The following ANKRD29 variants were observed in gnomAD, a reference collection of about 807,000 sequenced individuals.
ANKRD29 encodes ankyrin repeat domain 29.
A neutral mutation model predicts 38.0 loss-of-function variants in ANKRD29; 32 were observed. The ratio of observed to expected loss-of-function variants is 0.84; its 90% confidence interval spans 0.64 to 1.13. ANKRD29 has a LOEUF of 1.13. Ranked by LOEUF, ANKRD29 falls within the 50% of genes most tolerant of loss-of-function variation. The pLI is 0.00. For synonymous variants in ANKRD29, 135 were observed against 152.4 expected, an observed-to-expected ratio of 0.89 and a Z score of 0.84; for missense variants, 357 against 377.9, an observed-to-expected ratio of 0.94 and a Z score of 0.46.
intron 6 of ANKRD29, among the ~76,000 whole-genome samples, chr18:23,625,678 TTTTA>T (rs1226972829): frequency 1.3e-5 from 2 of 152,206 alleles, no homozygotes; most frequent in Non-Finnish European, 2.9e-5. Flanking sequence ...GCAGGGATTA[TTTTA>T]TTTAATTATC....
chr18:23,609,935 G>A (rs758821304), intron 9 of ANKRD29, among the ~76,000 whole-genome samples: 2 of 152,174 alleles, frequency 1.3e-5, no homozygotes, highest in African/African-American at 4.8e-5. Context: ...TGGGAATGGG[G>A]AAGTAATACT....
chr18:23,658,237 T>G (rs2060309615), intron 1 of ANKRD29, among the ~76,000 whole-genome samples: 2 of 151,932 alleles, frequency 1.3e-5, no homozygotes, highest in South Asian at 4.2e-4. Flanking sequence ...GAGACCCCTA[T>G]CTCTACAAAA....
chr18:23,619,606 G>T lies in ANKRD29; in HGVS notation c.552C>A (p.Ile184=). The T allele has an allele frequency of 1.3e-6, 2 of 1,595,080 alleles. No homozygotes were observed. The highest frequency in any genetic ancestry group is 1.7e-6 in the Non-Finnish European group (2 of 1,178,210). The change falls in exon 7 of 10, where the codon ATC becomes ATA. Residue 184 remains isoleucine (I), a synonymous_variant. Coordinates refer to ENST00000592179, the MANE Select transcript of ANKRD29 (RefSeq NM_173505.4). The part of the protein sequence containing the change: ...PRQDGTAPLW[I]ASQMGHSEVV... ...CCTCGCTGTGGCCCATCTGGGACGCGATCCACAGGGGCGCTGTCCCGTCCT... is the reference window on the plus strand; with the variant it reads ...CCTCGCTGTGGCCCATCTGGGACGCTATCCACAGGGGCGCTGTCCCGTCCT...
intron 9 of ANKRD29, among the ~76,000 whole-genome samples, chr18:23,604,127 C>G (rs955631103): frequency 7.2e-5 from 11 of 152,118 alleles, no homozygotes; most frequent in Non-Finnish European, 1.5e-4. Context: ...CAGGTGTGAG[C>G]CACCGCACTC....
At chr18:23,614,833 G>A (rs1036056102) in intron 8 of ANKRD29, among the ~76,000 whole-genome samples, 3 of 152,062 alleles carry the variant, frequency 2.0e-5, no homozygotes, top group Non-Finnish European at 2.9e-5. Flanking sequence ...AAAGTGTCTG[G>A]GGTCATTCAA....
At chr18:23,660,541 T>C (rs2060345773) in intron 1 of ANKRD29, among the ~76,000 whole-genome samples, 1 of 152,198 alleles carries the variant, frequency 6.6e-6, no homozygotes, top group South Asian at 2.1e-4. Context: ...GTGCCGTGGC[T>C]CATGCCTCTA....
intron 3 of ANKRD29, among the ~76,000 whole-genome samples, chr18:23,641,518 C>A (rs918181743): frequency 5.9e-5 from 9 of 152,260 alleles, no homozygotes; most frequent in African/African-American, 2.2e-4. Flanking sequence ...CCTTGCCCCC[C>A]AACCTTGGCC....
intron 5 of ANKRD29, among the ~76,000 whole-genome samples, chr18:23,632,533 G>GTGTATATATATATATATATA: frequency 7.6e-6 from 1 of 130,944 alleles, no homozygotes; most frequent in South Asian, 2.6e-4. Flanking sequence ...GTGTGTGTGT[G>GTGTATATATATATATATATA]TATATATATA....
At chr18:23,601,477 T>C (rs2059511526) in intron 9 of ANKRD29, among the ~76,000 whole-genome samples, 168 bp from the exon 10 acceptor site, 1 of 152,162 alleles carries the variant, frequency 6.6e-6, no homozygotes, top group South Asian at 2.1e-4. Context: ...AATGTATAAA[T>C]ATTACTTGTT....
intron 9 of ANKRD29, among the ~76,000 whole-genome samples, chr18:23,602,379 G>A (rs201455405): frequency 6.6e-6 from 1 of 152,120 alleles, no homozygotes; most frequent in East Asian, 1.9e-4. Context: ...AACCTCCAGA[G>A]CATAAGAGAC....
chr18:23,646,170 A>C lies in ANKRD29; in HGVS notation c.231+19T>G. ...CTCTGAGCCTGGTCATTTTTCTTCA[A>C]GTGCAAAGCCTGACCTACCTCTCTC... On this transcript the variant is annotated intron_variant, in intron 3 of 9. Transcript: ENST00000592179. The C allele has an allele frequency of 1.9e-6, 3 of 1,612,044 alleles. No individual in the cohort carries two copies. Among genetic ancestry groups the C allele is most frequent in the Non-Finnish European group, 2.5e-6 (3 of 1,178,496 alleles).
chr18:23,640,523 A>G (rs1460727847), intron 3 of ANKRD29, among the ~76,000 whole-genome samples: 1 of 152,208 alleles, frequency 6.6e-6, no homozygotes, highest in African/African-American at 2.4e-5. Flanking sequence ...AACTTCTCCA[A>G]TTGCAAGCCC....
rs2059494804 is a variant in ANKRD29, at chr18:23,600,140, A to C, written c.*1086T>G. Reference sequence around the variant, plus strand: ...ATTAATTATAAAGTGCATTGAATATAAGTTTTGATCCCTTTCAAAGGAATA... The same window carrying C: ...ATTAATTATAAAGTGCATTGAATATCAGTTTTGATCCCTTTCAAAGGAATA... On this transcript the variant is annotated 3_prime_UTR_variant, in exon 10 of 10. Coordinates refer to ENST00000592179, the MANE Select transcript of ANKRD29 (RefSeq NM_173505.4). 6.5e-6 allele frequency: 1 copy of C among 152,736 alleles called. No homozygotes were observed. The highest frequency in any genetic ancestry group is 2.1e-4 in the South Asian group (1 of 4,832). The allele number at this position is 152,736 out of a possible 1,614,324, so 9.5% of individuals were successfully genotyped here.
chr18:23,648,755 A>C lies in ANKRD29; in HGVS notation c.132+328T>G, dbSNP rs1020797448. ...CCCACTTGTGCTCTAAATTATCTCC[A>C]TCTTTTCATGGAAGTGGTTGGCTTG... On this transcript the variant is annotated intron_variant, in intron 2 of 9. Transcript: ENST00000592179. 2.2e-5 allele frequency: 9 copies of C among 409,356 alleles called. No homozygotes were observed. The Admixed American group carries it at 3.4e-4, about 16-fold the overall frequency. 25.4% of individuals were successfully genotyped at this position (409,356 alleles called of 1,614,324 possible).
chr18:23,638,768 G>A (rs190908541), intron 4 of ANKRD29, 81 bp downstream of exon 4: 459 of 1,107,518 alleles, frequency 4.1e-4, no homozygotes, highest in African/African-American at 1.6e-3. Flanking sequence ...ACATAAATTC[G>A]TACCATAGAT....
intron 1 of ANKRD29, among the ~76,000 whole-genome samples, chr18:23,654,618 CAAAAAAAAAAA>C (rs1167970950): frequency 2.0e-5 from 1 of 50,382 alleles, no homozygotes; most frequent in South Asian, 6.9e-4. Context: ...GACTCTGTCT[CAAAAAAAAAAA>C]AAAAAAAAAA....
At chr18:23,624,517 G>A (rs2059838429) in intron 6 of ANKRD29, among the ~76,000 whole-genome samples, 1 of 99,794 alleles carries the variant, frequency 1.0e-5, no homozygotes, top group African/African-American at 3.1e-5. Context: ...AGAACATTTA[G>A]CCTGAAGAAG....
chr18:23,647,547 C>T (rs368954804), intron 2 of ANKRD29: 9 of 150,258 alleles, frequency 6.0e-5, no homozygotes, highest in African/African-American at 2.2e-4. Flanking sequence ...TTTTTTGAGT[C>T]GAAGTCTCGC....
intron 6 of ANKRD29, among the ~76,000 whole-genome samples, chr18:23,626,844 G>A (rs1005929816): frequency 1.3e-5 from 2 of 152,206 alleles, no homozygotes; most frequent in Admixed American, 6.5e-5. Flanking sequence ...ACAGGATACC[G>A]TAATAAAATG....
Sources: gnomAD v4.1 joint callset for allele counts (sites outside exome capture counted in the v4.1 genomes callset) on GRCh38, gnomAD v4.1.1 for gene constraint, MANE v1.5 for transcripts, NCBI Gene and HGNC (gene_info 2026-07-23, HGNC 2026-07-21) for gene names.